Variants in LYZL4 observed in about 807,000 individuals in gnomAD.
The protein encoded by LYZL4 is lysozyme like 4, also known as lysozyme-like protein 4.
In LYZL4, 13 loss-of-function variants were observed where a neutral mutation model predicts 17.6. The ratio of observed to expected loss-of-function variants is 0.74; its 90% CI spans 0.48 to 1.18. LYZL4 has a LOEUF of 1.18. Ranked by LOEUF, LYZL4 falls within the 50% of genes most tolerant of loss-of-function variation. The pLI, the probability that LYZL4 is intolerant of heterozygous loss-of-function variation, is 0.00. For synonymous variants in LYZL4, 64 were observed against 67.7 expected (o/e 0.95, Z 0.27); for missense variants, 174 against 188.2 (o/e 0.92, Z 0.44).
the LYZL4 span, among the ~76,000 whole-genome samples, chr3:42,365,689 A>G: frequency 6.6e-6 from 1 of 152,216 alleles, no homozygotes; most frequent in African/African-American, 2.4e-5. Context: ...AGGCCACGAC[A>G]CGGTGTGGAT....
the LYZL4 span, among the ~76,000 whole-genome samples, chr3:42,390,028 A>G: frequency 6.6e-6 from 1 of 152,190 alleles, no homozygotes; most frequent in South Asian, 2.1e-4. Flanking sequence ...GCAATACTTT[A>G]AAAAAGACCA....
chr3:42,403,301 C>G (rs1365888072), intron 4 of LYZL4, among the ~76,000 whole-genome samples: 1 of 151,628 alleles, frequency 6.6e-6, no homozygotes, highest in Non-Finnish European at 1.5e-5. Flanking sequence ...ACTCTTTTGC[C>G]CAGGCTGGAA....
At chr3:42,398,392 T>G (rs1698593125) in intron 4 of LYZL4, among the ~76,000 whole-genome samples, 1 of 152,198 alleles carries the variant, frequency 6.6e-6, no homozygotes, top group Non-Finnish European at 1.5e-5. Context: ...TGGTTTTAGT[T>G]CATTAGGGCT....
At position 42,397,786 on chromosome 3, in the gene LYZL4, T is replaced by C. The variant is rs142906758; in HGVS notation, c.372-452A>G. The stretch of plus-strand genomic sequence containing the variant: ...CCAGGGCCCCTTTCACCTTTCCACG[T>C]ACCTGCTCCGCTCTTCACCTTCCAA... On this transcript the variant is annotated intron_variant, in intron 4 of 4. Transcript: ENST00000287748. Among the ~76,000 whole-genome samples the C allele has an allele frequency of 6.3e-3, 954 of 152,270 alleles. 6 individuals carry two copies. Among genetic ancestry groups the C allele is most frequent in the African/African-American group, 0.017 (694 of 41,554 alleles).
chr3:42,402,852 T>C (rs990671516), intron 4 of LYZL4, among the ~76,000 whole-genome samples: 2 of 152,156 alleles, frequency 1.3e-5, no homozygotes, highest in Non-Finnish European at 2.9e-5. Context: ...AACTACCAAA[T>C]GCCCACAAAT....
chr3:42,365,819 A>G, the LYZL4 span, among the ~76,000 whole-genome samples: 1 of 152,162 alleles, frequency 6.6e-6, no homozygotes, highest in East Asian at 1.9e-4. Flanking sequence ...TGATGTTTAC[A>G]TTTTTTAAAT....
chr3:42,374,805 G>C, the LYZL4 span, among the ~76,000 whole-genome samples: 6 of 151,916 alleles, frequency 3.9e-5, no homozygotes, highest in Non-Finnish European at 7.4e-5. Context: ...CTCCTTTCTG[G>C]CATTCATAGT....
the LYZL4 span, among the ~76,000 whole-genome samples, chr3:42,382,484 A>T: frequency 6.6e-6 from 1 of 152,040 alleles, no homozygotes; most frequent in East Asian, 1.9e-4. Context: ...GCTATTATTG[A>T]GGTACACTAG....
At chr3:42,374,853 C>T in the LYZL4 span, among the ~76,000 whole-genome samples, 1 of 152,136 alleles carries the variant, frequency 6.6e-6, no homozygotes, top group Non-Finnish European at 1.5e-5. Flanking sequence ...GACAGGGTCT[C>T]ACTCTGTTGC....
rs750169410 is a variant in LYZL4, at chr3:42,397,294, C to T, written c.412G>A (p.Ala138Thr). The T allele has an allele frequency of 6.4e-7, 1 of 1,571,646 alleles. No homozygotes were observed. Residue 138 changes from alanine (A) to threonine (T), a missense_variant, in exon 5 of 5, where the codon GCA becomes ACA. Ala to Thr is a moderately conservative substitution (Grantham distance 58, BLOSUM62 0). Transcript: ENST00000287748. ...SRYCQYSDTL[A>T]RWLDGCKL ...AGCTTGCAACCATCCAGCCACCGTGCCAGGGTATCGGAGTACTGGCAGTAC... is the reference window on the plus strand; with the variant it reads ...AGCTTGCAACCATCCAGCCACCGTGTCAGGGTATCGGAGTACTGGCAGTAC...
chr3:42,386,290 GC>G, the LYZL4 span, among the ~76,000 whole-genome samples: 2 of 151,678 alleles, frequency 1.3e-5, no homozygotes, highest in African/African-American at 4.8e-5. Flanking sequence ...TTTAGTAGGG[GC>G]GGGGTTTTAC....
At chr3:42,395,110 C>T (rs26347), downstream of LYZL4, among the ~76,000 whole-genome samples, 27,760 of 152,128 alleles carry the variant, frequency 0.18, 3,318 homozygotes, top group Non-Finnish European at 0.27. Flanking sequence ...GGGAAAGCCA[C>T]ACAAAACTGT....
chr3:42,372,411 G>T, the LYZL4 span, among the ~76,000 whole-genome samples: 2 of 152,196 alleles, frequency 1.3e-5, no homozygotes, highest in South Asian at 4.1e-4. Context: ...AAAGAGGGCT[G>T]CCAGAGGCAG....
At chr3:42,377,415 A>G in the LYZL4 span, among the ~76,000 whole-genome samples, 1 of 152,158 alleles carries the variant, frequency 6.6e-6, no homozygotes, top group Admixed American at 6.5e-5. Context: ...CTTTGGGTAT[A>G]CCAGGTGCCA....
the LYZL4 span, among the ~76,000 whole-genome samples, chr3:42,385,801 G>T: frequency 6.6e-6 from 1 of 152,140 alleles, no homozygotes; most frequent in Non-Finnish European, 1.5e-5. Context: ...AATATTGAGG[G>T]TCAGGCACCC....
chr3:42,384,799 G>A, the LYZL4 span, among the ~76,000 whole-genome samples: 1 of 152,096 alleles, frequency 6.6e-6, no homozygotes, highest in Admixed American at 6.6e-5. Flanking sequence ...GTGTGTGTGT[G>A]ATGAGGGTAA....
chr3:42,402,625 G>T (rs58152997), intron 4 of LYZL4, among the ~76,000 whole-genome samples: 37,746 of 152,060 alleles, frequency 0.25, 4,918 homozygotes, highest in East Asian at 0.37. Context: ...TACCAAGCGT[G>T]GTTGAGAATG....
intron 4 of LYZL4, among the ~76,000 whole-genome samples, chr3:42,399,886 G>T (rs1698624402): frequency 1.3e-5 from 2 of 151,162 alleles, no homozygotes; most frequent in Admixed American, 1.3e-4. Flanking sequence ...ATCTCTGATT[G>T]AATTTTTTAG....
chr3:42,401,422 G>A (rs1698651166), intron 4 of LYZL4, among the ~76,000 whole-genome samples: 1 of 151,946 alleles, frequency 6.6e-6, no homozygotes, highest in Non-Finnish European at 1.5e-5. Flanking sequence ...CGCCATGTTG[G>A]CTAGGCTGGT....
Sources: gnomAD v4.1 joint callset for allele counts (sites outside exome capture counted in the v4.1 genomes callset) on GRCh38, gnomAD v4.1.1 for gene constraint, MANE v1.5 for transcripts, NCBI Gene and HGNC (gene_info 2026-07-23, HGNC 2026-07-21) for gene names.